The following CCDC61 variants were observed in gnomAD, a reference collection of about 807,000 sequenced individuals.
CCDC61 encodes the protein centrosomal protein CCDC61.
A neutral mutation model predicts 63.0 loss-of-function variants in CCDC61; 55 were observed. The ratio of observed to expected loss-of-function variants is 0.87; its 90% confidence interval spans 0.70 to 1.09. The LOEUF (loss-of-function observed/expected upper bound fraction) is 1.09, where lower values mean the gene tolerates loss of function less well. Among genes scored for constraint, CCDC61 ranks in the 50% least tolerant of loss-of-function variants. The probability of loss-of-function intolerance (pLI) is 0.00; values close to 1 mark genes in which losing one functional copy is unlikely to be tolerated. For missense variants in CCDC61, 651 were observed against 731.4 expected (o/e 0.89, Z 1.27); for synonymous variants, 270 against 317.0 (o/e 0.85, Z 1.58).
intron 3 of CCDC61, among the ~76,000 whole-genome samples, chr19:46,003,986 T>G (rs1327369062): frequency 2.6e-5 from 4 of 152,142 alleles, no homozygotes; most frequent in Non-Finnish European, 5.9e-5. Context: ...TCGCCCAGGC[T>G]GGAGTGCAGT....
chr19:46,001,901 A>G (rs557943112), intron 1 of CCDC61, among the ~76,000 whole-genome samples: 25 of 152,330 alleles, frequency 1.6e-4, no homozygotes, highest in Non-Finnish European at 3.5e-4. Context: ...TGGAGTTTCA[A>G]GGATCATCTT....
At chr19:46,006,754 G>A (rs1175323570) in intron 4 of CCDC61, 38 bp downstream of exon 4, 1 of 1,563,842 alleles carries the variant, frequency 6.4e-7, no homozygotes, top group Non-Finnish European at 8.7e-7. Context: ...CAGGCTGGTG[G>A]GCGGGGTGGG....
intron 5 of CCDC61, among the ~76,000 whole-genome samples, chr19:46,010,732 C>T (rs1968811908): frequency 6.6e-6 from 1 of 152,160 alleles, no homozygotes; most frequent in Non-Finnish European, 1.5e-5. Context: ...CGTACTTGTC[C>T]CCCAGCTTCA....
At chr19:46,000,612 G>T (rs1408739765) in intron 1 of CCDC61, among the ~76,000 whole-genome samples, 1 of 151,974 alleles carries the variant, frequency 6.6e-6, no homozygotes, top group South Asian at 2.1e-4. Flanking sequence ...GACAAGTGAC[G>T]GGCAGCTGGG....
In CCDC61 at chr19:46,016,535, G is replaced by C; in HGVS notation, c.1091+142G>C. 7.3e-7 allele frequency: 1 copy of C among 1,375,414 alleles called. No individual in the cohort carries two copies. The allele number at this position is 1,375,414 out of a possible 1,614,324, so 85.2% of individuals were successfully genotyped here. ...GGATACCCCGCCTGCTCTCCCTTCC[G>C]TCCGTCCTACCTCCTCGTCTGTGTT... On this transcript the variant is annotated intron_variant, in intron 9 of 13. Transcript: ENST00000595358. The surrounding 1 kb of genome is among the most constrained non-coding windows in gnomAD (Gnocchi z 7.2).
rs187344466 is a variant in CCDC61, at chr19:45,998,858, C to T, written c.-12+3354C>T. Among the ~76,000 whole-genome samples the T allele has an allele frequency of 6.0e-4, 91 of 152,216 alleles. 1 individual carries two copies. The highest frequency in any genetic ancestry group is 2.0e-3 in the African/African-American group (84 of 41,536). On this transcript the variant is annotated intron_variant, in intron 1 of 13. Transcript: ENST00000595358. ...GCAAGTACTTTGCCCAAGGACACAC[C>T]AAGGAGAAAGGCAGCTGGAATCTGA...
chr19:46,016,791 C>G lies in CCDC61; in HGVS notation c.1189C>G (p.Arg397Gly), dbSNP rs1281238128. The G allele has an allele frequency of 1.3e-6, 2 of 1,544,098 alleles. No homozygotes were observed. The change falls in exon 10 of 14, where the codon CGA (arginine) becomes GGA (glycine). Residue 397 changes from arginine (R) to glycine (G), a missense_variant. By Grantham distance (125) the Arg-to-Gly change is moderately radical (BLOSUM62 -2). Transcript: ENST00000595358. This position sits in a 1 kb window ranked among gnomAD's most constrained non-coding sequence, Gnocchi z 7.2. Reference protein sequence around the residue: ...QTQPPAALTGRGDAPNRSRNR... With the variant: ...QTQPPAALTGGGDAPNRSRNR... ...CCAGCCCCCTGCTGCCTTGACTGGC[C>G]GAGGGGACGCCCCTAACCGCTCCCG...
At chr19:45,997,459 C>T (rs1024959874) in intron 1 of CCDC61, among the ~76,000 whole-genome samples, 6 of 152,072 alleles carry the variant, frequency 3.9e-5, no homozygotes, top group African/African-American at 7.2e-5. Context: ...GGCGCGATCT[C>T]GGCTCACGGT....
At chr19:46,009,693 T>C (rs922808643) in intron 5 of CCDC61, among the ~76,000 whole-genome samples, 1 of 152,010 alleles carries the variant, frequency 6.6e-6, no homozygotes, top group Non-Finnish European at 1.5e-5. Context: ...TGGGAGCTCA[T>C]GGGGCTGGGG....
At chr19:46,011,595 A>G (rs545966297) in intron 5 of CCDC61, among the ~76,000 whole-genome samples, 1 of 152,272 alleles carries the variant, frequency 6.6e-6, no homozygotes, top group East Asian at 1.9e-4. Flanking sequence ...AACCCTATAT[A>G]GGTTTAATCA....
Position 46,006,570 on chromosome 19 carries a change from A to G in CCDC61, c.243A>G (p.Ser81=). Residue 81 remains serine (S), a synonymous_variant, in exon 4 of 14, where the codon TCA becomes TCG. Coordinates refer to ENST00000595358, the MANE Select transcript of CCDC61 (RefSeq NM_001267723.2). ...TCCTCTCCTGACAGAGTAGTGAGTC[A>G]GTCACCCTGGACCTGCTGACCTACA... ...LESALTQSSE[S]VTLDLLTYTD... 1 of 1,584,544 alleles carries G rather than the reference A, an allele frequency of 6.3e-7. No homozygotes were observed. Among genetic ancestry groups the G allele is most frequent in the Non-Finnish European group, 8.6e-7 (1 of 1,161,946 alleles).
Position 46,015,915 on chromosome 19 carries a change from G to T in CCDC61, c.846-139G>T. 1 of 667,666 alleles carries T rather than the reference G, an allele frequency of 1.5e-6. No individual in the cohort carries two copies. 41.4% of individuals were successfully genotyped at this position (667,666 alleles called of 1,614,324 possible). ...AGGTCTGGGGGGGAAGATATCGAGAGGGTCATGGGCCCAGGAGTGCACGTC... is the reference window on the plus strand; with the variant it reads ...AGGTCTGGGGGGGAAGATATCGAGATGGTCATGGGCCCAGGAGTGCACGTC... On this transcript the variant is annotated intron_variant, in intron 7 of 13. Coordinates refer to ENST00000595358, the MANE Select transcript of CCDC61 (RefSeq NM_001267723.2). The surrounding 1 kb of genome is among the most constrained non-coding windows in gnomAD (Gnocchi z 5.3).
rs929776150 is a variant in CCDC61 at position 46,015,910 on chromosome 19, C to T, written c.846-144C>T. The T allele has an allele frequency of 1.9e-5, 12 of 639,896 alleles. No individual in the cohort carries two copies. Among genetic ancestry groups the T allele is most frequent in the Non-Finnish European group, 2.7e-5 (12 of 449,480 alleles). The allele number at this position is 639,896 out of a possible 1,614,324, so 39.6% of individuals were successfully genotyped here. A position where few individuals can be genotyped will look rare whatever the true frequency, so the allele number is the denominator to read the frequency against. The stretch of plus-strand genomic sequence containing the variant: ...GGGTGAGGTCTGGGGGGGAAGATAT[C>T]GAGAGGGTCATGGGCCCAGGAGTGC... On this transcript the variant is annotated intron_variant, in intron 7 of 13. Coordinates refer to ENST00000595358, the MANE Select transcript of CCDC61 (RefSeq NM_001267723.2). This position sits in a 1 kb window ranked among gnomAD's most constrained non-coding sequence, Gnocchi z 5.3.
intron 3 of CCDC61, among the ~76,000 whole-genome samples, chr19:46,005,049 A>T (rs889201656): frequency 5.3e-5 from 8 of 150,798 alleles, no homozygotes; most frequent in South Asian, 2.1e-4. Flanking sequence ...CTATCTGTGT[A>T]GCCCAGGCTG....
At chr19:46,014,050 A>G (rs1247838009) in intron 5 of CCDC61, among the ~76,000 whole-genome samples, 1 of 152,092 alleles carries the variant, frequency 6.6e-6, no homozygotes, top group African/African-American at 2.4e-5. Flanking sequence ...TTAAAATTTA[A>G]TTAATTAATT....
rs572271591 is a variant in CCDC61, at chr19:46,011,716, C to T, written c.552-3333C>T. ...ATAAAGTTCTCTTCGGCCTTTCAAC[C>T]AATGCAGTGGTTCACTCTGGATATG... On this transcript the variant is annotated intron_variant, in intron 5 of 13. Transcript: ENST00000595358. Among the ~76,000 whole-genome samples the T allele has an allele frequency of 2.0e-5, 3 of 152,318 alleles. No homozygotes were observed. The South Asian group carries it at 6.2e-4, about 32-fold the overall frequency.
intron 1 of CCDC61, 56 bp downstream of exon 1, chr19:45,995,560 G>A: frequency 2.1e-6 from 1 of 468,430 alleles, no homozygotes; most frequent in East Asian, 6.5e-5. Flanking sequence ...CTTAGGTGGA[G>A]GGGAAGGGGC....
intron 1 of CCDC61, among the ~76,000 whole-genome samples, chr19:45,996,718 C>T (rs1017199712): frequency 2.6e-5 from 4 of 152,150 alleles, no homozygotes; most frequent in African/African-American, 7.2e-5. Flanking sequence ...GTCTTCTTCA[C>T]TTCTCCCTTT....
chr19:46,018,178 C>G lies in CCDC61; in HGVS notation c.1441+28C>G, dbSNP rs1413425403. 2.5e-6 allele frequency: 4 copies of G among 1,585,172 alleles called. No individual in the cohort carries two copies. The highest frequency in any genetic ancestry group is 3.4e-6 in the Non-Finnish European group (4 of 1,165,578). On this transcript the variant is annotated intron_variant, in intron 13 of 13. Transcript: ENST00000595358. The surrounding 1 kb of genome is among the most constrained non-coding windows in gnomAD (Gnocchi z 4.2). ...GAGCCTGGGACTCCACATCCCCTCT[C>G]CCAGCCCCAGGACCCGTTGGAATGG...
Sources: allele counts gnomAD v4.1 joint callset (sites outside exome capture counted in the v4.1 genomes callset), GRCh38; gene constraint gnomAD v4.1.1; non-coding constraint Gnocchi (gnomAD v3.1); transcripts MANE v1.5; gene names NCBI Gene and HGNC (gene_info 2026-07-23, HGNC 2026-07-21).